KLF13: variants seen among roughly 807,000 people sequenced by gnomAD.
KLF13 encodes the protein KLF transcription factor 13.
Under a neutral mutation model 16.7 loss-of-function variants are expected in KLF13, and 8 were observed. The ratio of observed to expected loss-of-function variants is 0.48; its 90% confidence interval spans 0.28 to 0.87. KLF13 has a LOEUF of 0.87. KLF13 is among the 40% of genes least tolerant of loss of function. The pLI is 0.10. For missense variants in KLF13, 447 were observed against 452.2 expected (o/e 0.99, Z 0.10); for synonymous variants, 245 against 208.4 (o/e 1.18, Z -1.51).
At chr15:31,394,112 G>C (rs2039917769) in intron 2 of KLF13, among the ~76,000 whole-genome samples, 1 of 147,632 alleles carries the variant, frequency 6.8e-6, no homozygotes, top group African/African-American at 2.4e-5. Flanking sequence ...GGGGTGCAAT[G>C]TTAAGTTAAA....
In KLF13 at chr15:31,327,271, G is replaced by C. The variant is rs2038727233; in HGVS notation, c.59G>C (p.Ser20Thr). The C allele has an allele frequency of 1.5e-6, 2 of 1,371,734 alleles. No homozygotes were observed. The highest frequency in any genetic ancestry group is 1.9e-6 in the Non-Finnish European group (2 of 1,061,116). The allele number at this position is 1,371,734 out of a possible 1,614,324, so 85.0% of individuals were successfully genotyped here. A position where few individuals can be genotyped will look rare whatever the true frequency, so the allele number is the denominator to read the frequency against. Residue 20 changes from serine to threonine, a missense_variant, in exon 1 of 2, where the codon AGC becomes ACC. Ser to Thr is a moderately conservative substitution (Grantham distance 58, BLOSUM62 1). Coordinates refer to ENST00000307145, the MANE Select transcript of KLF13 (RefSeq NM_015995.4). ...FAAECLVSMS[S>T]RAVVHGPREG... Reference sequence around the variant, plus strand: ...GCCGAGTGCCTCGTGTCCATGTCGAGCCGCGCGGTCGTGCACGGGCCGCGG... The same window carrying C: ...GCCGAGTGCCTCGTGTCCATGTCGACCCGCGCGGTCGTGCACGGGCCGCGG...
intron 2 of KLF13, among the ~76,000 whole-genome samples, chr15:31,396,484 T>TG (rs999269558): frequency 6.6e-6 from 1 of 152,098 alleles, no homozygotes; most frequent in Non-Finnish European, 1.5e-5. Context: ...ATTTGGTGGT[T>TG]GGGGGGCAGC....
chr15:31,334,804 T>A (rs1221403486), intron 1 of KLF13, among the ~76,000 whole-genome samples: 1 of 152,200 alleles, frequency 6.6e-6, no homozygotes, highest in African/African-American at 2.4e-5. Flanking sequence ...GAATAAACTT[T>A]TCTCCAGCTT....
At chr15:31,342,696 T>G (rs759423961) in intron 1 of KLF13, among the ~76,000 whole-genome samples, 4 of 152,228 alleles carry the variant, frequency 2.6e-5, no homozygotes, top group Non-Finnish European at 5.9e-5. Context: ...TCTGCGGATA[T>G]ATGTATTTTT....
downstream of KLF13, among the ~76,000 whole-genome samples, chr15:31,381,284 A>G (rs979863664): frequency 6.6e-6 from 1 of 152,202 alleles, no homozygotes; most frequent in Non-Finnish European, 1.5e-5. Context: ...GGAGGTCAGA[A>G]GTGCAAAACA....
intron 1 of KLF13, among the ~76,000 whole-genome samples, chr15:31,371,740 C>T (rs1297938970): frequency 8.5e-5 from 13 of 152,214 alleles, no homozygotes; most frequent in East Asian, 1.9e-4. Context: ...GGGCCCTGAC[C>T]TGTACCTACC....
At chr15:31,358,870 G>T (rs1259476271) in intron 1 of KLF13, among the ~76,000 whole-genome samples, 1 of 152,208 alleles carries the variant, frequency 6.6e-6, no homozygotes, top group Non-Finnish European at 1.5e-5. Context: ...GATGTTAACC[G>T]CACACTGGCT....
chr15:31,435,180 C>T (rs911465037), intron 1 of KLF13, among the ~76,000 whole-genome samples: 29 of 152,068 alleles, frequency 1.9e-4, no homozygotes, highest in African/African-American at 6.5e-4. Context: ...GCTGTGGGGG[C>T]GGGGCTGTTC....
intron 1 of KLF13, among the ~76,000 whole-genome samples, chr15:31,336,439 G>T (rs1307420234): frequency 1.3e-5 from 2 of 152,140 alleles, no homozygotes; most frequent in Non-Finnish European, 1.5e-5. Context: ...GCATGGGTTA[G>T]CGAGACCTGA....
At chr15:31,421,199 C>A (rs961526079) in intron 1 of KLF13, among the ~76,000 whole-genome samples, 1 of 151,892 alleles carries the variant, frequency 6.6e-6, no homozygotes, top group African/African-American at 2.4e-5. Flanking sequence ...GAAATAAAGA[C>A]CTTCCCAGAA....
At chr15:31,431,177 G>T (rs542262061) in intron 1 of KLF13, among the ~76,000 whole-genome samples, 1 of 152,296 alleles carries the variant, frequency 6.6e-6, no homozygotes, top group Non-Finnish European at 1.5e-5. Context: ...ACAATGAGAA[G>T]ATGGCAGTCT....
At chr15:31,388,076 G>A (rs185845507), upstream of KLF13, among the ~76,000 whole-genome samples, 8 of 152,328 alleles carry the variant, frequency 5.3e-5, no homozygotes, top group Admixed American at 5.2e-4. Flanking sequence ...ATGCTGCCAC[G>A]AGTCAGGAAG....
At chr15:31,333,616 C>T (rs1272532802) in intron 1 of KLF13, among the ~76,000 whole-genome samples, 1 of 151,958 alleles carries the variant, frequency 6.6e-6, no homozygotes, top group Non-Finnish European at 1.5e-5. Flanking sequence ...TCTCCCTTTT[C>T]CATCTCGCCT....
chr15:31,387,971 T>C (rs1409558009), upstream of KLF13, among the ~76,000 whole-genome samples: 1 of 152,164 alleles, frequency 6.6e-6, no homozygotes, highest in African/African-American at 2.4e-5. Context: ...GGAATAAAAA[T>C]AGAACTGCTT....
intron 1 of KLF13, among the ~76,000 whole-genome samples, chr15:31,362,926 A>G (rs1318111244): frequency 6.6e-6 from 1 of 152,166 alleles, no homozygotes; most frequent in Non-Finnish European, 1.5e-5. Flanking sequence ...GCGTTCCATA[A>G]TTTATTTGAC....
chr15:31,405,878 A>G (rs61271741), downstream of KLF13, among the ~76,000 whole-genome samples: 637 of 152,326 alleles, frequency 4.2e-3, 7 homozygotes, highest in African/African-American at 0.014. Flanking sequence ...GAACAAAAGT[A>G]ACAGTTGTCC....
At chr15:31,365,699 C>T (rs1233711324) in intron 1 of KLF13, among the ~76,000 whole-genome samples, 2 of 152,066 alleles carry the variant, frequency 1.3e-5, no homozygotes, top group African/African-American at 2.4e-5. Flanking sequence ...GTGCCCTTTG[C>T]GCAGGAGGGC....
In KLF13 at chr15:31,372,587, C is replaced by G. The variant is rs1243519342; in HGVS notation, c.*288C>G. 4.5e-6 allele frequency: 2 copies of G among 447,722 alleles called. No individual in the cohort carries two copies. Among genetic ancestry groups the G allele is most frequent in the Non-Finnish European group, 3.9e-6 (1 of 255,354 alleles). The allele number at this position is 447,722 out of a possible 1,614,324, so 27.7% of individuals were successfully genotyped here. ...TTTCACGAGGTCAGTGAGGACACCCCTTCCTGCCGCCTTACTCTGTACATA... is the reference window on the plus strand; with the variant it reads ...TTTCACGAGGTCAGTGAGGACACCCGTTCCTGCCGCCTTACTCTGTACATA... On this transcript the variant is annotated 3_prime_UTR_variant, in exon 2 of 2. Coordinates refer to ENST00000307145, the MANE Select transcript of KLF13 (RefSeq NM_015995.4).
intron 1 of KLF13, chr15:31,420,412 A>G: frequency 8.9e-7 from 1 of 1,122,514 alleles, no homozygotes; most frequent in Non-Finnish European, 1.3e-6. Flanking sequence ...ATGAGCCCAC[A>G]GTGAAGTTCC....
Sources: allele counts gnomAD v4.1 joint callset (sites outside exome capture counted in the v4.1 genomes callset), GRCh38; gene constraint gnomAD v4.1.1; transcripts MANE v1.5; gene names NCBI Gene and HGNC (gene_info 2026-07-23, HGNC 2026-07-21).